The following TSHZ3 variants were observed in gnomAD, a reference collection of about 807,000 sequenced individuals.
The protein encoded by TSHZ3 is teashirt zinc finger homeobox 3, also known as teashirt homolog 3.
TSHZ3 carries 10 observed loss-of-function variants against 64.5 expected under a neutral mutation model. The observed-to-expected ratio is 0.16, with a 90% CI of 0.10 to 0.26. The LOEUF is 0.26. TSHZ3 is among the 10% of genes least tolerant of loss of function. TSHZ3 has a pLI of 1.00. For synonymous variants in TSHZ3, 608 were observed against 593.1 expected, an observed-to-expected ratio of 1.03 and a Z score of -0.36; for missense variants, 1,242 against 1,421.7, an observed-to-expected ratio of 0.87 and a Z score of 2.03.
In TSHZ3 at chr19:31,237,422, T is replaced by G. The variant is rs550847070; in HGVS notation, n.550+4847A>C. ...TATATTTTAAATTCTTCTAAATATGTATTAACATTCTACAGGATATGTATT... is the reference window on the plus strand; with the variant it reads ...TATATTTTAAATTCTTCTAAATATGGATTAACATTCTACAGGATATGTATT... On this transcript the variant is annotated intron_variant and non_coding_transcript_variant, in intron 3 of 6. Transcript: ENST00000651361. 1.7e-3 allele frequency among the ~76,000 whole-genome samples: 263 copies of G among 152,306 alleles called. 1 individual carries two copies. Among genetic ancestry groups the G allele is most frequent in the Middle Eastern group, 3.4e-3 (1 of 294 alleles).
intron 4 of TSHZ3, among the ~76,000 whole-genome samples, chr19:31,218,163 T>C (rs1288414366): frequency 3.9e-5 from 6 of 152,210 alleles, no homozygotes; most frequent in African/African-American, 1.4e-4. Context: ...GAAAAAGGCC[T>C]GCTATCCAAA....
At chr19:31,325,876 A>G (rs1398615480) in intron 1 of TSHZ3, among the ~76,000 whole-genome samples, 4 of 152,236 alleles carry the variant, frequency 2.6e-5, no homozygotes, top group African/African-American at 9.6e-5. Context: ...GGTAGGATAT[A>G]GCAGCTGAAA....
In TSHZ3 at chr19:31,278,549, G is replaced by T; in HGVS notation, c.1244C>A (p.Thr415Asn). The stretch of plus-strand genomic sequence containing the variant: ...CTTCCCCTTTTTCATAGCAGAGTTG[G>T]TGACCTTGATGAAGTGGCCAGTGAC... Reference protein sequence around the residue: ...MMVTGHFIKVTNSAMKKGKPI... With the variant: ...MMVTGHFIKVNNSAMKKGKPI... Residue 415 changes from threonine to asparagine, a missense_variant, in exon 2 of 2, where the codon ACC (threonine) becomes AAC (asparagine). By Grantham distance (65) the Thr-to-Asn change is moderately conservative (BLOSUM62 0). Around this residue, in one of 4 missense-constraint regions of TSHZ3, gnomAD observed 555 missense variants for 704.0 expected, o/e 0.79. Coordinates refer to ENST00000240587, the MANE Select transcript of TSHZ3 (RefSeq NM_020856.4). This position sits in a 1 kb window ranked among gnomAD's most constrained non-coding sequence, Gnocchi z 4.7. 6.2e-7 allele frequency: 1 copy of T among 1,614,172 alleles called. No homozygotes were observed. Among genetic ancestry groups the T allele is most frequent in the Non-Finnish European group, 8.5e-7 (1 of 1,180,042 alleles).
intron 3 of TSHZ3, among the ~76,000 whole-genome samples, chr19:31,230,091 A>C (rs909486114): frequency 6.6e-6 from 1 of 152,220 alleles, no homozygotes; most frequent in African/African-American, 2.4e-5. Context: ...AAATTTATTT[A>C]AAAATGTTCC....
At chr19:31,216,118 A>G (rs973842561) in intron 4 of TSHZ3, among the ~76,000 whole-genome samples, 5 of 152,126 alleles carry the variant, frequency 3.3e-5, no homozygotes, top group Non-Finnish European at 2.9e-5. Flanking sequence ...AACATCAAAG[A>G]ACATCAATGG....
At position 31,277,442 on chromosome 19, in the gene TSHZ3, A is replaced by G; in HGVS notation, c.2351T>C (p.Val784Ala). The change falls in exon 2 of 2, where the codon GTC (valine) becomes GCC (alanine). Residue 784 changes from valine (V) to alanine (A), a missense_variant. This residue lies in a region of TSHZ3 where 550 missense variants were observed against 545.1 expected (regional missense o/e 1.01). Transcript: ENST00000240587. This position sits in a 1 kb window ranked among gnomAD's most constrained non-coding sequence, Gnocchi z 4.5. ...CAAGTCTATGGGCTGGTCGTTGTTG[A>G]CGTGGTAGAAATAGCGGTCGAGGTG... is the stretch of plus-strand genomic sequence containing the variant. ...ADHLDRYFYH[V>A]NNDQPIDLTK... The G allele has an allele frequency of 1.2e-6, 2 of 1,613,466 alleles. No homozygotes were observed. The highest frequency in any genetic ancestry group is 1.7e-6 in the Non-Finnish European group (2 of 1,179,810).
intron 5 of TSHZ3, among the ~76,000 whole-genome samples, chr19:31,193,668 AG>A (rs1271993598): frequency 1.3e-5 from 2 of 152,210 alleles, no homozygotes; most frequent in African/African-American, 2.4e-5. Flanking sequence ...GGGTTTTTCC[AG>A]GACAGTGCGA....
At chr19:31,245,640 A>G (rs1664245704) in intron 1 of TSHZ3, among the ~76,000 whole-genome samples, 2 of 139,132 alleles carry the variant, frequency 1.4e-5, no homozygotes, top group African/African-American at 3.2e-5. Flanking sequence ...TTGCTCCTGT[A>G]CTGTAAGACC....
At chr19:31,225,720 T>C (rs1975450758) in intron 4 of TSHZ3, among the ~76,000 whole-genome samples, 1 of 152,166 alleles carries the variant, frequency 6.6e-6, no homozygotes, top group Non-Finnish European at 1.5e-5. Context: ...AGATATCTAT[T>C]CCTTTGCTTA....
At chr19:31,318,080 A>T (rs1438450429) in intron 1 of TSHZ3, among the ~76,000 whole-genome samples, 1 of 152,272 alleles carries the variant, frequency 6.6e-6, no homozygotes, top group Non-Finnish European at 1.5e-5. Context: ...TATTAGGAAC[A>T]GTATAATAAA....
rs917796527 is a variant in TSHZ3 at position 31,278,948 on chromosome 19, T to C, written c.845A>G (p.His282Arg). Residue 282 changes from histidine to arginine, a missense_variant, in exon 2 of 2, where the codon CAC (histidine) becomes CGC (arginine). Physicochemically the swap from His to Arg is conservative, Grantham distance 29. Transcript: ENST00000240587. This position sits in a 1 kb window ranked among gnomAD's most constrained non-coding sequence, Gnocchi z 4.7. Reference sequence around the variant, plus strand: ...CAAATCCTGCAGGGACTCAAAGGAGTGGCCACAGTACATGCACTTCAGCAC... The same window carrying C: ...CAAATCCTGCAGGGACTCAAAGGAGCGGCCACAGTACATGCACTTCAGCAC... ...QKVLKCMYCG[H>R]SFESLQDLSV... 1 of 1,614,034 alleles carries C rather than the reference T, an allele frequency of 6.2e-7. No homozygotes were observed.
At chr19:31,175,762 C>T (rs1184710510) in intron 5 of TSHZ3, among the ~76,000 whole-genome samples, 5 of 152,216 alleles carry the variant, frequency 3.3e-5, no homozygotes, top group Non-Finnish European at 5.9e-5. Context: ...TGAGTGGAGG[C>T]GGCCAGTGGG....
At chr19:31,337,370 G>T (rs1917279391) in intron 1 of TSHZ3, among the ~76,000 whole-genome samples, 1 of 152,144 alleles carries the variant, frequency 6.6e-6, no homozygotes, top group Admixed American at 6.5e-5. Context: ...ACCTGAAATG[G>T]ACTTTGCACC....
At chr19:31,263,082 C>T (rs948461009) in intron 1 of TSHZ3, among the ~76,000 whole-genome samples, 1 of 152,150 alleles carries the variant, frequency 6.6e-6, no homozygotes, top group Non-Finnish European at 1.5e-5. Flanking sequence ...GCAGAAATGA[C>T]CAGGGCAGAC....
rs574357431 is a variant in TSHZ3, at chr19:31,156,501, C to A, written n.810-84G>T. Among the ~76,000 whole-genome samples, 141 of 152,286 alleles carry A rather than the reference C, an allele frequency of 9.3e-4. 2 individuals are homozygous for A. The highest frequency in any genetic ancestry group is 3.3e-3 in the African/African-American group (136 of 41,546). On this transcript the variant is annotated intron_variant and non_coding_transcript_variant, in intron 5 of 6. Transcript: ENST00000651361. ...GTCGGTCGGGAGCAGGAGCAGATATCAGCCACCCAGGGCATCTATTTAAAG... is the reference window on the plus strand; with the variant it reads ...GTCGGTCGGGAGCAGGAGCAGATATAAGCCACCCAGGGCATCTATTTAAAG...
intron 1 of TSHZ3, among the ~76,000 whole-genome samples, chr19:31,338,843 TTTC>T (rs1192402833): frequency 1.4e-5 from 2 of 144,406 alleles, no homozygotes; most frequent in Admixed American, 7.0e-5. Context: ...TTCTTTCTTT[TTTC>T]TTTTTTTTCC....
At position 31,201,983 on chromosome 19, in the gene TSHZ3, G is replaced by A. The variant is rs567029578; in HGVS notation, n.809+2973C>T. On this transcript the variant is annotated intron_variant and non_coding_transcript_variant, in intron 5 of 6. Coordinates refer to the TSHZ3 transcript ENST00000651361. ...GGAGTTTGAGACCAGCCTAACCAAC[G>A]TGGCAGAACCCCATCTCTACTAAAA... 1.6e-4 allele frequency among the ~76,000 whole-genome samples: 25 copies of A among 152,082 alleles called. No homozygotes were observed. In the East Asian group the frequency reaches 4.6e-3, roughly 28 times the overall value.
At chr19:31,264,161 C>T (rs974714644) in intron 1 of TSHZ3, among the ~76,000 whole-genome samples, 1 of 152,180 alleles carries the variant, frequency 6.6e-6, no homozygotes, top group Non-Finnish European at 1.5e-5. Context: ...TGCATCTGGC[C>T]AAAACCTTCC....
intron 3 of TSHZ3, among the ~76,000 whole-genome samples, chr19:31,235,191 T>C (rs1034524695): frequency 1.1e-4 from 16 of 152,360 alleles, no homozygotes; most frequent in Middle Eastern, 3.4e-3. Context: ...ATATTTTTCA[T>C]GTGTGGTGAA....
Sources: allele counts gnomAD v4.1 joint callset (sites outside exome capture counted in the v4.1 genomes callset), GRCh38; gene constraint gnomAD v4.1.1; regional missense constraint gnomAD v4.1.1; non-coding constraint Gnocchi (gnomAD v3.1); transcripts MANE v1.5; gene names NCBI Gene and HGNC (gene_info 2026-07-23, HGNC 2026-07-21).